Variants in DCAF10 observed in about 807,000 individuals in gnomAD.
The protein encoded by DCAF10 is DDB1- and CUL4-associated factor 10.
Under a neutral mutation model 51.9 loss-of-function variants are expected in DCAF10, and 19 were observed. The ratio of observed to expected loss-of-function variants is 0.37; its 90% CI spans 0.26 to 0.54. The LOEUF is 0.54. Among genes scored for constraint, DCAF10 ranks in the 20% least tolerant of loss-of-function variants. The pLI is 0.87. For missense variants in DCAF10, 510 were observed against 730.6 expected (o/e 0.70, Z 3.48); for synonymous variants, 291 against 297.1 (o/e 0.98, Z 0.21).
chr9:37,825,654 C>T (rs1183536092), intron 2 of DCAF10, among the ~76,000 whole-genome samples: 1 of 152,118 alleles, frequency 6.6e-6, no homozygotes, highest in Non-Finnish European at 1.5e-5. Flanking sequence ...ACAAAATAAT[C>T]TGTACGGCAA....
At chr9:37,826,039 G>GA (rs36005970) in intron 2 of DCAF10, among the ~76,000 whole-genome samples, 53 of 93,640 alleles carry the variant, frequency 5.7e-4, no homozygotes, top group South Asian at 7.6e-4. Context: ...CATCTTAAAA[G>GA]AAAAAAAAAA....
At chr9:37,822,785 C>G (rs1227128058) in intron 2 of DCAF10, among the ~76,000 whole-genome samples, 2 of 151,940 alleles carry the variant, frequency 1.3e-5, no homozygotes, top group African/African-American at 4.8e-5. Flanking sequence ...ATTCCAATAA[C>G]TTATGGAAAA....
In DCAF10 at chr9:37,862,754, T is replaced by G. The variant is rs1240792519; in HGVS notation, c.*1246T>G. 6.6e-6 allele frequency: 1 copy of G among 152,226 alleles called. No homozygotes were observed. The highest frequency in any genetic ancestry group is 2.4e-5 in the African/African-American group (1 of 41,454). The allele number at this position is 152,226 out of a possible 1,614,324, so 9.4% of individuals were successfully genotyped here. On this transcript the variant is annotated 3_prime_UTR_variant, in exon 7 of 7. Transcript: ENST00000377724. Reference sequence around the variant, plus strand: ...CTCCTCCACATGGGTGGTACTGTGTTTAGAAGGGATTACCAAAGGCTGGAG... The same window carrying G: ...CTCCTCCACATGGGTGGTACTGTGTGTAGAAGGGATTACCAAAGGCTGGAG...
At chr9:37,802,514 T>C (rs903898046) in intron 1 of DCAF10, among the ~76,000 whole-genome samples, 29 of 152,022 alleles carry the variant, frequency 1.9e-4, no homozygotes, top group Non-Finnish European at 1.6e-4. Context: ...TCAAAGGTCG[T>C]AGAAGGGCAG....
intron 1 of DCAF10, among the ~76,000 whole-genome samples, chr9:37,808,524 T>TAAATATATAAAATATATATTTATATAA (rs1437584838): frequency 8.1e-5 from 9 of 110,600 alleles, no homozygotes; most frequent in Admixed American, 1.2e-4. Context: ...ATATAATATA[T>TAAATATATAAAATATATATTTATATAA]TATATAAATA....
At chr9:37,802,419 G>T (rs925648930) in intron 1 of DCAF10, among the ~76,000 whole-genome samples, 3 of 152,090 alleles carry the variant, frequency 2.0e-5, no homozygotes, top group Non-Finnish European at 4.4e-5. Flanking sequence ...GCACCTAAAT[G>T]AAAATAAAAA....
chr9:37,841,218 C>T (rs900496426), intron 2 of DCAF10, among the ~76,000 whole-genome samples: 14 of 152,226 alleles, frequency 9.2e-5, no homozygotes, highest in African/African-American at 1.7e-4. Flanking sequence ...ATTTGAAAAC[C>T]GTGATCAATT....
intron 2 of DCAF10, among the ~76,000 whole-genome samples, chr9:37,823,109 G>T (rs548713649): frequency 6.6e-6 from 1 of 152,102 alleles, no homozygotes; most frequent in Non-Finnish European, 1.5e-5. Flanking sequence ...ACATAAAAAA[G>T]GTTAAAATAT....
chr9:37,804,716 C>T (rs557753070), intron 1 of DCAF10, among the ~76,000 whole-genome samples: 92 of 151,460 alleles, frequency 6.1e-4, no homozygotes, highest in African/African-American at 1.9e-3. Context: ...GTAGAGCTTG[C>T]GGTGAGCCAA....
In DCAF10 at chr9:37,863,856, C is replaced by G. The variant is rs1831077732; in HGVS notation, c.*2348C>G. 1.3e-5 allele frequency: 2 copies of G among 152,066 alleles called. No individual in the cohort carries two copies. The highest frequency in any genetic ancestry group is 2.9e-5 in the Non-Finnish European group (2 of 68,038). 9.4% of individuals were successfully genotyped at this position (152,066 alleles called of 1,614,324 possible). A position where few individuals can be genotyped will look rare whatever the true frequency, so the allele number is the denominator to read the frequency against. On this transcript the variant is annotated 3_prime_UTR_variant, in exon 7 of 7. Transcript: ENST00000377724. ...TATAGAGGTTATAAGGATCTTGGCT[C>G]TAGAACAAATTTTTGAAATTAGATC...
At chr9:37,825,264 C>A (rs1190011187) in intron 2 of DCAF10, among the ~76,000 whole-genome samples, 1 of 152,154 alleles carries the variant, frequency 6.6e-6, no homozygotes, top group African/African-American at 2.4e-5. Flanking sequence ...AATAAAGACA[C>A]ATGCATGCAT....
intron 3 of DCAF10, among the ~76,000 whole-genome samples, chr9:37,848,648 A>AT (rs1165553091): frequency 6.6e-6 from 1 of 152,158 alleles, no homozygotes; most frequent in African/African-American, 2.4e-5. Context: ...TGTGTTGATG[A>AT]TTGCACAGCT....
intron 2 of DCAF10, among the ~76,000 whole-genome samples, chr9:37,830,364 G>A (rs1047172856): frequency 2.0e-5 from 3 of 152,206 alleles, no homozygotes; most frequent in Admixed American, 6.5e-5. Context: ...CTCTATCCCA[G>A]CATCTAGAAT....
intron 2 of DCAF10, among the ~76,000 whole-genome samples, chr9:37,827,653 T>C (rs1829891732): frequency 6.6e-6 from 1 of 152,180 alleles, no homozygotes; most frequent in African/African-American, 2.4e-5. Flanking sequence ...GCTTTTACCC[T>C]GGAGGCTTCT....
chr9:37,837,415 C>T (rs568305573), intron 2 of DCAF10, among the ~76,000 whole-genome samples: 85 of 148,954 alleles, frequency 5.7e-4, no homozygotes, highest in African/African-American at 2.0e-3. Context: ...GATGAGATCG[C>T]GCCACTGCAC....
chr9:37,815,316 T>C (rs1338687261), intron 1 of DCAF10, among the ~76,000 whole-genome samples: 1 of 152,134 alleles, frequency 6.6e-6, no homozygotes, highest in African/African-American at 2.4e-5. Flanking sequence ...TCCTAGTCAG[T>C]ATAACAACCA....
chr9:37,816,854 AAGTC>A (rs567564343), intron 1 of DCAF10, among the ~76,000 whole-genome samples: 14 of 152,318 alleles, frequency 9.2e-5, no homozygotes, highest in Admixed American at 2.0e-4. Flanking sequence ...GTAATCTGTA[AAGTC>A]AGTGCATTTC....
chr9:37,815,639 C>CT (rs1385785563), intron 1 of DCAF10, among the ~76,000 whole-genome samples: 1 of 149,636 alleles, frequency 6.7e-6, no homozygotes, highest in African/African-American at 2.5e-5. Flanking sequence ...GCGCAAAACT[C>CT]TGTCTCCAAT....
At chr9:37,836,024 A>G in intron 2 of DCAF10, 1 of 1,042,804 alleles carries the variant, frequency 9.6e-7, no homozygotes, top group Non-Finnish European at 1.5e-6. Flanking sequence ...ACGGCCCCAA[A>G]CGCCGTCCGC....
Sources: gnomAD v4.1 joint callset for allele counts (sites outside exome capture counted in the v4.1 genomes callset) on GRCh38, gnomAD v4.1.1 for gene constraint, MANE v1.5 for transcripts, NCBI Gene and HGNC (gene_info 2026-07-23, HGNC 2026-07-21) for gene names.